Variants in MACROD2 observed in about 807,000 individuals in gnomAD.
MACROD2 encodes the protein mono-ADP ribosylhydrolase 2, also known as ADP-ribose glycohydrolase MACROD2.
A neutral mutation model predicts 70.4 loss-of-function variants in MACROD2; 36 were observed. That is an observed-to-expected ratio of 0.51 (90% confidence interval 0.39 to 0.68). The LOEUF (loss-of-function observed/expected upper bound fraction) is 0.68, where lower values mean the gene tolerates loss of function less well. Ranked by LOEUF, MACROD2 falls within the 30% of genes least tolerant of loss-of-function variation. MACROD2 has a pLI of 0.00. For missense variants in MACROD2, 496 were observed against 538.4 expected (o/e 0.92, Z 0.78); for synonymous variants, 172 against 178.8 (o/e 0.96, Z 0.30).
At chr20:14,532,045 A>G (rs544124962) in intron 4 of MACROD2, among the ~76,000 whole-genome samples, 14 of 152,086 alleles carry the variant, frequency 9.2e-5, no homozygotes, top group Non-Finnish European at 5.9e-5. Flanking sequence ...TTCAATTTGT[A>G]CTCACTGTAG....
chr20:14,170,270 T>C (rs1490315746), intron 3 of MACROD2, among the ~76,000 whole-genome samples: 2 of 152,216 alleles, frequency 1.3e-5, no homozygotes, highest in Non-Finnish European at 2.9e-5. Context: ...TTTCTTGGTA[T>C]ACAATCATAT....
At chr20:14,413,222 T>C (rs2083768906) in intron 3 of MACROD2, among the ~76,000 whole-genome samples, 1 of 150,294 alleles carries the variant, frequency 6.7e-6, no homozygotes, top group Admixed American at 6.6e-5. Context: ...CTTAAATATG[T>C]ACGTGCGTGT....
intron 11 of MACROD2, among the ~76,000 whole-genome samples, chr20:15,937,256 T>C (rs2065678519): frequency 6.6e-6 from 1 of 152,206 alleles, no homozygotes; most frequent in Middle Eastern, 3.2e-3. Flanking sequence ...AAATAGATTG[T>C]AGCCCATTGG....
At chr20:15,979,880 G>A (rs73107607) in intron 13 of MACROD2, among the ~76,000 whole-genome samples, 21,409 of 152,128 alleles carry the variant, frequency 0.14, 1,897 homozygotes, top group East Asian at 0.21. Flanking sequence ...GTAGCAGGAC[G>A]AGCCGCAGAC....
Position 15,696,559 on chromosome 20 carries a change from A to G in MACROD2, c.646-166186A>G, listed in dbSNP as rs1568979642. On this transcript the variant is annotated intron_variant, in intron 8 of 17. Transcript: ENST00000684519. Reference sequence around the variant, plus strand: ...GGTATTAGGGTGATGCTGGCTTCATAGAATGAATTAGGGAGGATTCCTTCT... The same window carrying G: ...GGTATTAGGGTGATGCTGGCTTCATGGAATGAATTAGGGAGGATTCCTTCT... 7.2e-5 allele frequency among the ~76,000 whole-genome samples: 11 copies of G among 152,132 alleles called. No homozygotes were observed. In the South Asian group the frequency reaches 2.3e-3, roughly 32 times the overall value.
At chr20:15,146,216 T>C in intron 5 of MACROD2, among the ~76,000 whole-genome samples, 1 of 151,378 alleles carries the variant, frequency 6.6e-6, no homozygotes, top group Non-Finnish European at 1.5e-5. Flanking sequence ...ATTTTGATTT[T>C]TCCTATTTTC....
chr20:14,387,377 A>G (rs947254084), intron 3 of MACROD2, among the ~76,000 whole-genome samples: 1 of 152,138 alleles, frequency 6.6e-6, no homozygotes, highest in Non-Finnish European at 1.5e-5. Context: ...TTTTTTTTCA[A>G]AACTATATTC....
Position 15,094,611 on chromosome 20 carries a change from T to C in MACROD2, c.419-135329T>C, listed in dbSNP as rs568414457. Among the ~76,000 whole-genome samples, 10 of 152,300 alleles carry C rather than the reference T, an allele frequency of 6.6e-5. No individual in the cohort carries two copies. In the South Asian group the frequency reaches 1.7e-3, roughly 25 times the overall value. ...AAGTTTTTATTTGTTTGTTTTTGGT[T>C]TTTTTGTTTTGTTTTTCCTTTCTAT... On this transcript the variant is annotated intron_variant, in intron 5 of 17. Transcript: ENST00000684519.
chr20:15,171,115 A>T (rs1281282668), intron 5 of MACROD2, among the ~76,000 whole-genome samples: 1 of 152,072 alleles, frequency 6.6e-6, no homozygotes, highest in Non-Finnish European at 1.5e-5. Context: ...GTGGAGGAGG[A>T]TCCTAAGAAT....
At chr20:14,802,331 A>G (rs533162540) in intron 5 of MACROD2, among the ~76,000 whole-genome samples, 41 of 152,228 alleles carry the variant, frequency 2.7e-4, no homozygotes, top group African/African-American at 8.9e-4. Flanking sequence ...ACATCTTTAC[A>G]TTAATTGAGT....
At chr20:14,129,149 C>T (rs1000858497) in intron 3 of MACROD2, among the ~76,000 whole-genome samples, 7 of 152,100 alleles carry the variant, frequency 4.6e-5, no homozygotes, top group Non-Finnish European at 8.8e-5. Flanking sequence ...AATTGAAAAG[C>T]TTCTAGAGAA....
chr20:15,545,084 A>G (rs1362367687), intron 8 of MACROD2, among the ~76,000 whole-genome samples: 1 of 152,230 alleles, frequency 6.6e-6, no homozygotes, highest in African/African-American at 2.4e-5. Flanking sequence ...CCTGACATGT[A>G]GCACACACTG....
chr20:15,733,528 A>G (rs1440151927), intron 8 of MACROD2, among the ~76,000 whole-genome samples: 1 of 152,160 alleles, frequency 6.6e-6, no homozygotes, highest in African/African-American at 2.4e-5. Flanking sequence ...CACTGCTTTT[A>G]TGGCATCATA....
intron 4 of MACROD2, among the ~76,000 whole-genome samples, chr20:14,657,308 G>A (rs1326741288): frequency 6.6e-6 from 1 of 152,112 alleles, no homozygotes; most frequent in Non-Finnish European, 1.5e-5. Context: ...TTTATATTCT[G>A]CTCCTGGCAG....
intron 12 of MACROD2, among the ~76,000 whole-genome samples, chr20:15,960,519 A>G (rs1224005257): frequency 2.0e-5 from 3 of 152,130 alleles, no homozygotes; most frequent in Non-Finnish European, 4.4e-5. Context: ...CAAAAGGTGA[A>G]CCCACTTTTT....
chr20:15,867,824 T>C (rs891879738), intron 9 of MACROD2, among the ~76,000 whole-genome samples: 2 of 152,184 alleles, frequency 1.3e-5, no homozygotes, highest in African/African-American at 4.8e-5. Context: ...AGCTTAAGAC[T>C]TGTCATGGTA....
chr20:14,119,404 A>G (rs1176120266), intron 3 of MACROD2, among the ~76,000 whole-genome samples: 1 of 151,860 alleles, frequency 6.6e-6, no homozygotes, highest in East Asian at 1.9e-4. Flanking sequence ...CCTGACCTTC[A>G]GGTGATCCAC....
chr20:15,482,375 A>G (rs1041627117), intron 7 of MACROD2, among the ~76,000 whole-genome samples: 2 of 152,212 alleles, frequency 1.3e-5, no homozygotes, highest in Non-Finnish European at 2.9e-5. Context: ...AAATTAAAAC[A>G]ACAGAAAGAT....
intron 9 of MACROD2, among the ~76,000 whole-genome samples, chr20:15,867,636 T>C (rs1301170533): frequency 6.6e-6 from 1 of 152,078 alleles, no homozygotes; most frequent in Admixed American, 6.6e-5. Context: ...TCACTAGACG[T>C]AAAAAATTAA....
Sources: allele counts gnomAD v4.1 joint callset (sites outside exome capture counted in the v4.1 genomes callset), GRCh38; gene constraint gnomAD v4.1.1; transcripts MANE v1.5; gene names NCBI Gene and HGNC (gene_info 2026-07-23, HGNC 2026-07-21).